The following GRM1 variants were observed in gnomAD, a reference collection of about 807,000 sequenced individuals.
GRM1 encodes glutamate metabotropic receptor 1, also known as metabotropic glutamate receptor 1.
A neutral mutation model predicts 90.9 loss-of-function variants in GRM1; 33 were observed. The observed-to-expected ratio is 0.36, with a 90% CI of 0.28 to 0.49. GRM1 has a LOEUF of 0.49. Ranked by LOEUF, GRM1 falls within the 20% of genes least tolerant of loss-of-function variation. The pLI is 0.99. For synonymous variants in GRM1, 700 were observed against 613.2 expected, an observed-to-expected ratio of 1.14 and a Z score of -2.09; for missense variants, 1,190 against 1,534.3, an observed-to-expected ratio of 0.78 and a Z score of 3.75.
intron 3 of GRM1, among the ~76,000 whole-genome samples, chr6:146,315,436 T>A (rs562596932): frequency 2.4e-4 from 37 of 152,092 alleles, no homozygotes; most frequent in Non-Finnish European, 5.1e-4. Flanking sequence ...TCCTTAGAGA[T>A]GTAAATAGAT....
chr6:146,068,760 A>T (rs1415237195), intron 1 of GRM1, among the ~76,000 whole-genome samples: 3 of 152,244 alleles, frequency 2.0e-5, no homozygotes, highest in Non-Finnish European at 4.4e-5. Flanking sequence ...CTTGAGGACA[A>T]TTAAAAAGTA....
At chr6:146,132,625 A>G (rs539677126) in intron 1 of GRM1, among the ~76,000 whole-genome samples, 2 of 152,278 alleles carry the variant, frequency 1.3e-5, no homozygotes, top group South Asian at 2.1e-4. Context: ...CTATTTTAGA[A>G]TGGGTCCAGG....
chr6:146,133,409 G>A (rs1490916350), intron 1 of GRM1, among the ~76,000 whole-genome samples: 1 of 152,176 alleles, frequency 6.6e-6, no homozygotes, highest in Non-Finnish European at 1.5e-5. Context: ...TAATTAAATT[G>A]CATTTGTACA....
intron 1 of GRM1, among the ~76,000 whole-genome samples, chr6:146,076,120 G>A (rs1479473207): frequency 2.6e-5 from 4 of 152,178 alleles, no homozygotes; most frequent in African/African-American, 9.7e-5. Context: ...CAAAGGAGCT[G>A]AAGAGGGTGC....
upstream of GRM1, among the ~76,000 whole-genome samples, chr6:146,028,906 G>A (rs533554764): frequency 5.9e-5 from 9 of 152,160 alleles, no homozygotes; most frequent in East Asian, 1.8e-3. Context: ...CTTCCCCACC[G>A]CCCTCCAAGT....
At chr6:146,223,324 T>C (rs538546274) in intron 2 of GRM1, among the ~76,000 whole-genome samples, 1 of 152,140 alleles carries the variant, frequency 6.6e-6, no homozygotes, top group African/African-American at 2.4e-5. Flanking sequence ...CTAAGCCATA[T>C]TTATGTCCTG....
At chr6:146,429,256 T>G (rs942844255) in intron 7 of GRM1, among the ~76,000 whole-genome samples, 4 of 152,194 alleles carry the variant, frequency 2.6e-5, no homozygotes, top group Admixed American at 1.3e-4. Flanking sequence ...TCTCATATAA[T>G]TAGAAAGCAT....
chr6:146,268,538 T>G (rs1406802907), intron 2 of GRM1, among the ~76,000 whole-genome samples: 1 of 152,210 alleles, frequency 6.6e-6, no homozygotes, highest in Non-Finnish European at 1.5e-5. Flanking sequence ...CTTGATAGTA[T>G]TAGGCACCCA....
At chr6:146,329,741 GC>G (rs1784521909) in intron 3 of GRM1, among the ~76,000 whole-genome samples, 1 of 152,106 alleles carries the variant, frequency 6.6e-6, no homozygotes, top group Admixed American at 6.5e-5. Flanking sequence ...TAGCTTCATA[GC>G]TTAGCCTAGC....
At chr6:146,114,159 T>G (rs1775659107) in intron 1 of GRM1, among the ~76,000 whole-genome samples, 1 of 152,238 alleles carries the variant, frequency 6.6e-6, no homozygotes, top group Non-Finnish European at 1.5e-5. Context: ...TTGGAAAAGA[T>G]GATCTCATTT....
At chr6:146,136,245 A>G (rs2128881887) in intron 1 of GRM1, among the ~76,000 whole-genome samples, 1 of 152,354 alleles carries the variant, frequency 6.6e-6, no homozygotes, top group Non-Finnish European at 1.5e-5. Flanking sequence ...TAAACATGGT[A>G]GTGCAGATAT....
intron 2 of GRM1, among the ~76,000 whole-genome samples, chr6:146,293,599 A>G (rs939308982): frequency 3.3e-5 from 5 of 151,964 alleles, no homozygotes; most frequent in Non-Finnish European, 5.9e-5. Flanking sequence ...TAGTATTGTT[A>G]TAATATCCTT....
intron 2 of GRM1, among the ~76,000 whole-genome samples, chr6:146,170,143 A>G (rs1321591336): frequency 1.3e-5 from 2 of 151,818 alleles, no homozygotes; most frequent in Non-Finnish European, 2.9e-5. Flanking sequence ...ACTTCTGTAT[A>G]TTACTGTGGT....
At chr6:146,097,094 T>C (rs1475707735) in intron 1 of GRM1, among the ~76,000 whole-genome samples, 2 of 152,136 alleles carry the variant, frequency 1.3e-5, no homozygotes, top group East Asian at 1.9e-4. Context: ...AAAGTTGATA[T>C]TGTACATACC....
intron 2 of GRM1, among the ~76,000 whole-genome samples, chr6:146,245,547 T>G (rs1213461292): frequency 6.6e-6 from 1 of 152,188 alleles, no homozygotes; most frequent in Non-Finnish European, 1.5e-5. Flanking sequence ...CAAGGACAGA[T>G]GATCAGATTT....
At chr6:146,195,156 ATAG>A (rs1198795752) in intron 2 of GRM1, among the ~76,000 whole-genome samples, 1 of 152,184 alleles carries the variant, frequency 6.6e-6, no homozygotes, top group Non-Finnish European at 1.5e-5. Context: ...TATATTACAG[ATAG>A]TAGGTGAAAT....
chr6:146,122,846 T>C (rs867787574), intron 1 of GRM1, among the ~76,000 whole-genome samples: 88 of 138,218 alleles, frequency 6.4e-4, no homozygotes, highest in African/African-American at 1.5e-3. Flanking sequence ...TTTCTTTTTT[T>C]TTTTTTTTTT....
intron 5 of GRM1, among the ~76,000 whole-genome samples, chr6:146,383,443 A>G (rs1776391153): frequency 6.6e-6 from 1 of 152,158 alleles, no homozygotes; most frequent in East Asian, 1.9e-4. Flanking sequence ...CCCAATTAAA[A>G]TAAGACAGTA....
chr6:146,182,629 C>T (rs1268305119), intron 2 of GRM1, among the ~76,000 whole-genome samples: 1 of 152,146 alleles, frequency 6.6e-6, no homozygotes. Context: ...ATAGTACATT[C>T]TCACAAAGAC....
Sources: allele counts gnomAD v4.1 joint callset (sites outside exome capture counted in the v4.1 genomes callset), GRCh38; gene constraint gnomAD v4.1.1; transcripts MANE v1.5; gene names NCBI Gene and HGNC (gene_info 2026-07-23, HGNC 2026-07-21).